TSHZ2: variants seen among roughly 807,000 people sequenced by gnomAD.
TSHZ2 encodes teashirt zinc finger homeobox 2, also known as teashirt homolog 2.
In TSHZ2, 21 loss-of-function variants were observed where a neutral mutation model predicts 74.4. That is an observed-to-expected ratio of 0.28 (90% CI 0.20 to 0.41). The LOEUF (loss-of-function observed/expected upper bound fraction) is 0.41. TSHZ2 is among the 10% of genes least tolerant of loss of function. TSHZ2 has a pLI of 1.00. For missense variants in TSHZ2, 1,244 were observed against 1,293.5 expected, an observed-to-expected ratio of 0.96 and a Z score of 0.59; for synonymous variants, 540 against 515.3, an observed-to-expected ratio of 1.05 and a Z score of -0.65.
chr20:53,052,965 G>A (rs775960141), intron 1 of TSHZ2, among the ~76,000 whole-genome samples: 25 of 152,088 alleles, frequency 1.6e-4, no homozygotes, highest in African/African-American at 5.1e-4. Flanking sequence ...TGCAACCGTC[G>A]TCGCGGTATC....
At chr20:53,241,015 G>A (rs1198874004) in intron 1 of TSHZ2, among the ~76,000 whole-genome samples, 2 of 152,104 alleles carry the variant, frequency 1.3e-5, no homozygotes, top group African/African-American at 4.8e-5. Flanking sequence ...CCTGTCCTGG[G>A]ACAACAGCCA....
chr20:53,094,600 G>A (rs560228853), intron 1 of TSHZ2, among the ~76,000 whole-genome samples: 5 of 152,108 alleles, frequency 3.3e-5, no homozygotes, highest in Admixed American at 2.0e-4. Context: ...TTCTCCCCAC[G>A]GTGCAGTACA....
At position 53,074,520 on chromosome 20, in the gene TSHZ2, T is replaced by C. The variant is rs943534367; in HGVS notation, c.40+101187T>C. The stretch of plus-strand genomic sequence containing the variant: ...GCAAACCAGATTTTTTTAAAGCTTA[T>C]GATTGTTGGAAAGTTCAAGTATACA... On this transcript the variant is annotated intron_variant, in intron 1 of 2. Coordinates refer to ENST00000371497, the MANE Select transcript of TSHZ2 (RefSeq NM_173485.6). The surrounding 1 kb of genome is among the most constrained non-coding windows in gnomAD (Gnocchi z 5.9). 1.3e-5 allele frequency among the ~76,000 whole-genome samples: 2 copies of C among 152,158 alleles called. No homozygotes were observed. Among genetic ancestry groups the C allele is most frequent in the Admixed American group, 1.3e-4 (2 of 15,282 alleles).
intron 2 of TSHZ2, among the ~76,000 whole-genome samples, chr20:53,478,523 G>GA (rs1986051159): frequency 9.3e-6 from 1 of 107,142 alleles, no homozygotes; most frequent in Admixed American, 1.3e-4. Context: ...AGGGTGGGGG[G>GA]AGGGGGGAGG....
At chr20:53,073,828 A>G (rs1274871262) in intron 1 of TSHZ2, among the ~76,000 whole-genome samples, 2 of 152,128 alleles carry the variant, frequency 1.3e-5, no homozygotes, top group African/African-American at 4.8e-5. Flanking sequence ...ACTTTGAGAC[A>G]TGCATGTTTA....
intron 1 of TSHZ2, among the ~76,000 whole-genome samples, chr20:53,248,234 C>T (rs1032253280): frequency 6.6e-6 from 1 of 150,418 alleles, no homozygotes; most frequent in African/African-American, 2.4e-5. Flanking sequence ...TTATGCCTGG[C>T]TATTTTTTTT....
intron 1 of TSHZ2, among the ~76,000 whole-genome samples, chr20:53,135,745 G>C (rs1987230646): frequency 6.6e-6 from 1 of 151,948 alleles, no homozygotes; most frequent in Non-Finnish European, 1.5e-5. Flanking sequence ...TGGAACTACA[G>C]GTGTGCACCA....
intron 2 of TSHZ2, among the ~76,000 whole-genome samples, chr20:53,351,542 TATC>T (rs1486126527): frequency 6.6e-6 from 1 of 152,238 alleles, no homozygotes; most frequent in Non-Finnish European, 1.5e-5. Flanking sequence ...TTAACTCAAT[TATC>T]ATCAATCCAA....
At chr20:53,486,319 G>A (rs990301154) in intron 2 of TSHZ2, among the ~76,000 whole-genome samples, 1 of 152,136 alleles carries the variant, frequency 6.6e-6, no homozygotes, top group African/African-American at 2.4e-5. Context: ...TTGCTTCTGA[G>A]TTTTGGCTAT....
chr20:53,063,842 A>T (rs1984894328), intron 1 of TSHZ2, among the ~76,000 whole-genome samples: 1 of 152,192 alleles, frequency 6.6e-6, no homozygotes, highest in African/African-American at 2.4e-5. Flanking sequence ...GGAAGAATAA[A>T]CACAAATTTA....
chr20:53,430,827 C>G (rs28368737), intron 2 of TSHZ2, among the ~76,000 whole-genome samples: 1 of 152,066 alleles, frequency 6.6e-6, no homozygotes, highest in East Asian at 1.9e-4. Context: ...GGCGTGGTCT[C>G]GGCTCACTAC....
chr20:53,183,860 G>C (rs142101276), intron 1 of TSHZ2, among the ~76,000 whole-genome samples: 1 of 152,344 alleles, frequency 6.6e-6, no homozygotes, highest in Non-Finnish European at 1.5e-5. Flanking sequence ...AAAGGTGTGA[G>C]AGCAAGGCTG....
rs1461352706 is a variant in TSHZ2, at chr20:53,491,753, A to G, written c.*4618A>G. 1 of 152,204 alleles carries G rather than the reference A, an allele frequency of 6.6e-6. No individual in the cohort carries two copies. The highest frequency in any genetic ancestry group is 1.9e-4 in the East Asian group (1 of 5,192). The allele number at this position is 152,204 out of a possible 1,614,324, so 9.4% of individuals were successfully genotyped here. A position where few individuals can be genotyped will look rare whatever the true frequency, so the allele number is the denominator to read the frequency against. ...GTTTTAAAATGCTAGTACCAGGTGG[A>G]ACGCTATTTCTGCAACAGGACTCTG... On this transcript the variant is annotated 3_prime_UTR_variant, in exon 3 of 3. Coordinates refer to ENST00000371497, the MANE Select transcript of TSHZ2 (RefSeq NM_173485.6).
At chr20:53,091,009 A>C (rs1985869411) in intron 1 of TSHZ2, among the ~76,000 whole-genome samples, 1 of 152,192 alleles carries the variant, frequency 6.6e-6, no homozygotes, top group Admixed American at 6.5e-5. Context: ...TTCCCTCAGG[A>C]GTGTGTTTTG....
At chr20:53,478,307 A>G (rs1243305430) in intron 2 of TSHZ2, among the ~76,000 whole-genome samples, 1 of 151,664 alleles carries the variant, frequency 6.6e-6, no homozygotes, top group African/African-American at 2.4e-5. Flanking sequence ...TGTGGCACAT[A>G]TACACCATGG....
rs1210836159 is a variant in TSHZ2, at chr20:53,489,029, T to C, written c.*1894T>C. On this transcript the variant is annotated 3_prime_UTR_variant, in exon 3 of 3. Transcript: ENST00000371497. Reference sequence around the variant, plus strand: ...AGTAATGAGGCATGGACAGAAAATATACCCCTCACATCATCGGATTGAGAT... The same window carrying C: ...AGTAATGAGGCATGGACAGAAAATACACCCCTCACATCATCGGATTGAGAT... 4.4e-6 allele frequency: 2 copies of C among 456,032 alleles called. No homozygotes were observed. Among genetic ancestry groups the C allele is most frequent in the Admixed American group, 2.4e-5 (1 of 42,542 alleles). 28.2% of individuals were successfully genotyped at this position (456,032 alleles called of 1,614,324 possible).
chr20:53,138,858 A>T (rs949867711), intron 1 of TSHZ2, among the ~76,000 whole-genome samples: 3 of 152,186 alleles, frequency 2.0e-5, no homozygotes, highest in African/African-American at 7.2e-5. Flanking sequence ...GTCTCTATTG[A>T]CCAGCGGTGG....
intron 2 of TSHZ2, among the ~76,000 whole-genome samples, chr20:53,483,276 G>A (rs1986206757): frequency 6.6e-6 from 1 of 152,054 alleles, no homozygotes; most frequent in South Asian, 2.1e-4. Context: ...GAATAAACCA[G>A]GTGTGCTAAT....
chr20:53,344,200 CCCT>C (rs544883274), intron 2 of TSHZ2, among the ~76,000 whole-genome samples: 31 of 145,376 alleles, frequency 2.1e-4, no homozygotes, highest in Admixed American at 1.2e-3. Flanking sequence ...ACTACCATCA[CCCT>C]CCTCCTCCTC....
Sources: gnomAD v4.1 joint callset for allele counts (sites outside exome capture counted in the v4.1 genomes callset) on GRCh38, gnomAD v4.1.1 for gene constraint, Gnocchi (gnomAD v3.1) non-coding constraint, MANE v1.5 for transcripts, NCBI Gene and HGNC (gene_info 2026-07-23, HGNC 2026-07-21) for gene names.